The following PPFIA4 variants were observed in gnomAD, a reference collection of about 807,000 sequenced individuals.
The protein encoded by PPFIA4 is PPFI scaffold protein A4.
PPFIA4 carries 98 observed loss-of-function variants against 145.7 expected under a neutral mutation model. The ratio of observed to expected loss-of-function variants is 0.67; its 90% confidence interval spans 0.57 to 0.80. PPFIA4 has a LOEUF of 0.80. Among genes scored for constraint, PPFIA4 ranks in the 30% least tolerant of loss-of-function variants. The pLI is 0.00. For missense variants in PPFIA4, 1,457 were observed against 1,632.7 expected (o/e 0.89, Z 1.85); for synonymous variants, 628 against 649.6 (o/e 0.97, Z 0.51).
At chr1:203,045,146 G>C (rs1272459704) in intron 6 of PPFIA4, among the ~76,000 whole-genome samples, 4 of 152,310 alleles carry the variant, frequency 2.6e-5, no homozygotes, top group East Asian at 3.9e-4. Flanking sequence ...CTAGAAACTT[G>C]TTTTCAAGAG....
In PPFIA4 at chr1:203,060,126, G is replaced by C. The variant is rs1037512038; in HGVS notation, c.2584-91G>C. The C allele has an allele frequency of 7.9e-7, 1 of 1,270,528 alleles. No homozygotes were observed. The highest frequency in any genetic ancestry group is 1.3e-5 in the South Asian group (1 of 74,656). The allele number at this position is 1,270,528 out of a possible 1,614,324, so 78.7% of individuals were successfully genotyped here. ...TCTGTATTTGCTATTCGAGTCCGTG[G>C]ATGAGGCCTGGCCCTTGCCCCTTGC... is the stretch of plus-strand genomic sequence containing the variant. On this transcript the variant is annotated intron_variant, in intron 21 of 29. Coordinates refer to ENST00000295706, the MANE Select transcript of PPFIA4 (RefSeq NM_001304331.2). The surrounding 1 kb of genome is among the most constrained non-coding windows in gnomAD (Gnocchi z 4.8).
At chr1:203,064,674 A>G (rs1661611111) in intron 25 of PPFIA4, among the ~76,000 whole-genome samples, 1 of 152,216 alleles carries the variant, frequency 6.6e-6, no homozygotes, top group South Asian at 2.1e-4. Flanking sequence ...GATTTTATAT[A>G]CAATTCTGGA....
At chr1:203,058,993 A>G (rs1661172574) in intron 19 of PPFIA4, among the ~76,000 whole-genome samples, 185 bp from the exon 20 acceptor site, 1 of 152,156 alleles carries the variant, frequency 6.6e-6, no homozygotes, top group Non-Finnish European at 1.5e-5. Flanking sequence ...GACCCGCTTG[A>G]TGCCATTCTC....
In PPFIA4 at chr1:203,068,450, C is replaced by T; in HGVS notation, c.3149-3C>T. ...CCGTCCCTTTTCTTCCCCCACACTC[C>T]AGATGTGTTAGTCTGGACCAACGAC... On this transcript the variant is annotated splice_polypyrimidine_tract_variant and splice_region_variant and intron_variant, in intron 26 of 29. Transcript: ENST00000295706. This position sits in a 1 kb window ranked among gnomAD's most constrained non-coding sequence, Gnocchi z 4.7. 6.3e-7 allele frequency: 1 copy of T among 1,597,686 alleles called. No individual in the cohort carries two copies. The highest frequency in any genetic ancestry group is 1.1e-5 in the South Asian group (1 of 88,920).
chr1:203,049,878 T>A, intron 13 of PPFIA4, 111 bp downstream of exon 13: 1 of 967,920 alleles, frequency 1.0e-6, no homozygotes, highest in South Asian at 2.3e-5. Flanking sequence ...CCTCCTCCTG[T>A]TCAGGGTGGG....
intron 1 of PPFIA4, among the ~76,000 whole-genome samples, chr1:203,030,511 G>A (rs1304574812): frequency 2.6e-5 from 4 of 152,180 alleles, no homozygotes; most frequent in African/African-American, 9.7e-5. Flanking sequence ...CATCCCTGAT[G>A]GGTGGGGGTA....
intron 14 of PPFIA4, 41 bp from the exon 15 acceptor site, chr1:203,053,712 G>C: frequency 6.6e-7 from 1 of 1,513,888 alleles, no homozygotes; most frequent in Non-Finnish European, 9.0e-7. Context: ...CAGTTATCTG[G>C]GTGTCTTATT....
chr1:203,031,961 A>G (rs569547487), intron 1 of PPFIA4, among the ~76,000 whole-genome samples: 1 of 151,882 alleles, frequency 6.6e-6, no homozygotes, highest in African/African-American at 2.4e-5. Context: ...GAGTGTGGAA[A>G]ATGGTTGGCT....
chr1:203,043,998 A>G lies in PPFIA4; in HGVS notation c.404A>G (p.Lys135Arg). The part of the protein sequence containing the change: ...HERSLRMTVV[K>R]RQAQSPSGVS... ...CGGTCACTGCGGATGACTGTGGTGA[A>G]GCGCCAGGCCCAGTCACCTTCGGGG... The change falls in exon 4 of 30, where the codon AAG (lysine) becomes AGG (arginine). Residue 135 changes from lysine to arginine, a missense_variant. Transcript: ENST00000295706. The surrounding 1 kb of genome is among the most constrained non-coding windows in gnomAD (Gnocchi z 4.4). 1 of 1,612,230 alleles carries G rather than the reference A, an allele frequency of 6.2e-7. No individual in the cohort carries two copies. The highest frequency in any genetic ancestry group is 8.5e-7 in the Non-Finnish European group (1 of 1,179,578).
chr1:203,045,202 C>T (rs1407923635), intron 6 of PPFIA4, among the ~76,000 whole-genome samples, 166 bp from the exon 7 acceptor site: 1 of 152,156 alleles, frequency 6.6e-6, no homozygotes, highest in Non-Finnish European at 1.5e-5. Flanking sequence ...GAGTGACCTC[C>T]TGGGGCCCAG....
chr1:203,051,780 G>A lies in PPFIA4; in HGVS notation c.1523G>A (p.Gly508Asp), dbSNP rs1006467558. 3 of 1,612,796 alleles carry A rather than the reference G, an allele frequency of 1.9e-6. No individual in the cohort carries two copies. Among genetic ancestry groups the A allele is most frequent in the African/African-American group, 2.7e-5 (2 of 74,944 alleles). The stretch of plus-strand genomic sequence containing the variant: ...CATCACCGCTCAAGGTCGCACATGG[G>A]CAGTGCAGCAGACGTGCGGTTCTCC... ...VDGVHSRSHM[G>D]SAADVRFSLG... The change falls in exon 14 of 30, where the codon GGC becomes GAC. Residue 508 changes from glycine (G) to aspartate (D), a missense_variant. Physicochemically the swap from Gly to Asp is moderately conservative, Grantham distance 94. Around this residue, in one of 3 missense-constraint regions of PPFIA4, gnomAD observed 848 missense variants for 1,046.7 expected, o/e 0.81. Coordinates refer to ENST00000295706, the MANE Select transcript of PPFIA4 (RefSeq NM_001304331.2).
chr1:203,075,646 C>A lies in PPFIA4; in HGVS notation c.3463C>A (p.Arg1155Ser), dbSNP rs758912933. ...KRFRPREHHG[R>S]GGMLSASAET... ...CTTCCGGCCGCGGGAGCACCACGGT[C>A]GCGGCGGCATGCTCAGCGCTTCCGC... The change falls in exon 29 of 30, where the codon CGC becomes AGC. Residue 1155 changes from arginine to serine, a missense_variant. Transcript: ENST00000295706. The surrounding 1 kb of genome is among the most constrained non-coding windows in gnomAD (Gnocchi z 4.1). The A allele has an allele frequency of 6.7e-7, 1 of 1,503,126 alleles. No individual in the cohort carries two copies. Among genetic ancestry groups the A allele is most frequent in the Admixed American group, 2.2e-5 (1 of 44,488 alleles). 93.1% of individuals were successfully genotyped at this position (1,503,126 alleles called of 1,614,324 possible).
At chr1:203,076,131 C>CGCACCTGCCCTTGGCT (rs1188739252) in intron 29 of PPFIA4, 2 of 618,774 alleles carry the variant, frequency 3.2e-6, no homozygotes, top group Non-Finnish European at 5.6e-6. Flanking sequence ...CTCGGCCCCA[C>CGCACCTGCCCTTGGCT]GCACCTGCCC....
In PPFIA4 at chr1:203,055,401, G is replaced by C; in HGVS notation, c.1830-31G>C. The C allele has an allele frequency of 6.2e-7, 1 of 1,611,550 alleles. No individual in the cohort carries two copies. Among genetic ancestry groups the C allele is most frequent in the Non-Finnish European group, 8.5e-7 (1 of 1,177,800 alleles). On this transcript the variant is annotated intron_variant, in intron 15 of 29. Transcript: ENST00000295706. The surrounding 1 kb of genome is among the most constrained non-coding windows in gnomAD (Gnocchi z 4.8). Reference sequence around the variant, plus strand: ...CTCCTGCTGGTCCTGGCTGGGGCTAGTGGTGAGGTCTGGTTTTGCCTCCCT... The same window carrying C: ...CTCCTGCTGGTCCTGGCTGGGGCTACTGGTGAGGTCTGGTTTTGCCTCCCT...
chr1:203,054,825 A>G (rs1200334600), intron 15 of PPFIA4, among the ~76,000 whole-genome samples: 3 of 152,236 alleles, frequency 2.0e-5, no homozygotes, highest in Admixed American at 2.0e-4. Context: ...AAGAAAGGAC[A>G]TTTTAACATT....
At chr1:203,045,106 G>A (rs778075418) in intron 6 of PPFIA4, among the ~76,000 whole-genome samples, 1 of 152,088 alleles carries the variant, frequency 6.6e-6, no homozygotes, top group Non-Finnish European at 1.5e-5. Context: ...CCCCTTTCTG[G>A]GTTACAAGAG....
At chr1:203,047,225 C>T (rs1393709482) in intron 9 of PPFIA4, among the ~76,000 whole-genome samples, 1 of 152,178 alleles carries the variant, frequency 6.6e-6, no homozygotes, top group Admixed American at 6.5e-5. Flanking sequence ...GACCCAGGAC[C>T]AAGACTGCTT....
Position 203,053,561 on chromosome 1 carries a change from C to T in PPFIA4, c.1621-192C>T, listed in dbSNP as rs1571704439. 18 of 425,074 alleles carry T rather than the reference C, an allele frequency of 4.2e-5. 1 individual carries two copies. Among genetic ancestry groups the T allele is most frequent in the Non-Finnish European group, 6.3e-5 (15 of 236,394 alleles). 26.3% of individuals were successfully genotyped at this position (425,074 alleles called of 1,614,324 possible). A position where few individuals can be genotyped will look rare whatever the true frequency, so the allele number is the denominator to read the frequency against. ...AAACAAACAAACCAAAAACCAAAAA[C>T]CAAAAAACCACCCAGGGGTCTTGTT... On this transcript the variant is annotated intron_variant, in intron 14 of 29. Transcript: ENST00000295706.
intron 19 of PPFIA4, among the ~76,000 whole-genome samples, chr1:203,058,068 C>T (rs1169533974): frequency 7.2e-5 from 11 of 152,128 alleles, no homozygotes; most frequent in Admixed American, 7.2e-4. Context: ...TCCCCTGAGG[C>T]AGTGGGAGCA....
Sources: gnomAD v4.1 joint callset for allele counts (sites outside exome capture counted in the v4.1 genomes callset) on GRCh38, gnomAD v4.1.1 for gene constraint, gnomAD v4.1.1 regional missense constraint, Gnocchi (gnomAD v3.1) non-coding constraint, MANE v1.5 for transcripts, NCBI Gene and HGNC (gene_info 2026-07-23, HGNC 2026-07-21) for gene names.